Variants in CSMD1 observed in about 807,000 individuals in gnomAD.
The protein encoded by CSMD1 is CUB and Sushi multiple domains 1, also known as CUB and sushi domain-containing protein 1.
In CSMD1, 213 loss-of-function variants were observed where a neutral mutation model predicts 417.5. That is an observed-to-expected ratio of 0.51 (90% confidence interval 0.46 to 0.57). The LOEUF (loss-of-function observed/expected upper bound fraction) is 0.57. Ranked by LOEUF, CSMD1 falls within the 20% of genes least tolerant of loss-of-function variation. CSMD1 has a pLI of 0.00. For synonymous variants in CSMD1, 2,862 were observed against 1,736.8 expected (o/e 1.65, Z -16.11); for missense variants, 6,923 against 4,529.7 (o/e 1.53, Z -15.17).
intron 2 of CSMD1, among the ~76,000 whole-genome samples, chr8:4,618,450 G>A (rs1434550009): frequency 2.0e-5 from 3 of 151,932 alleles, no homozygotes; most frequent in Non-Finnish European, 2.9e-5. Context: ...GTGCTGTTAG[G>A]GACCTAAGGC....
intron 52 of CSMD1, among the ~76,000 whole-genome samples, chr8:3,002,779 T>C (rs1807524968): frequency 6.6e-6 from 1 of 152,182 alleles, no homozygotes; most frequent in Non-Finnish European, 1.5e-5. Context: ...ACTCTAGAAA[T>C]CAGGCAGCAA....
chr8:4,275,061 T>C (rs527694491), intron 3 of CSMD1, among the ~76,000 whole-genome samples: 1 of 152,150 alleles, frequency 6.6e-6, no homozygotes, highest in African/African-American at 2.4e-5. Context: ...AAGAAATTCT[T>C]CTAACAATGA....
chr8:3,097,495 A>G (rs1225234740), intron 46 of CSMD1, among the ~76,000 whole-genome samples: 2 of 152,144 alleles, frequency 1.3e-5, no homozygotes, highest in Non-Finnish European at 2.9e-5. Flanking sequence ...CAAGAGCCCT[A>G]GTGATGCCTG....
At chr8:2,965,397 C>A (rs1008792577) in intron 59 of CSMD1, among the ~76,000 whole-genome samples, 3 of 152,146 alleles carry the variant, frequency 2.0e-5, no homozygotes, top group African/African-American at 7.2e-5. Flanking sequence ...CTCCAACCTG[C>A]CTCTAAATTC....
At chr8:3,105,908 T>C (rs774504908) in intron 46 of CSMD1, among the ~76,000 whole-genome samples, 30 of 152,214 alleles carry the variant, frequency 2.0e-4, no homozygotes, top group Non-Finnish European at 1.8e-4. Flanking sequence ...AGGTGTTACA[T>C]TATTCAGGTA....
In CSMD1 at chr8:4,741,767, G is replaced by C. The variant is rs184943239; in HGVS notation, c.86-104209C>G. 7.3e-3 allele frequency among the ~76,000 whole-genome samples: 1,111 copies of C among 152,146 alleles called. 12 individuals are homozygous for C. Among genetic ancestry groups the C allele is most frequent in the Middle Eastern group, 0.034 (10 of 294 alleles). ...GTGGAGAGTCTCAGGCCCCAACCCA[G>C]ACCTGCAGGATGCAAATCTGCTTCT... On this transcript the variant is annotated intron_variant, in intron 1 of 69. Transcript: ENST00000635120.
At chr8:4,468,467 CTCT>C (rs1800324737) in intron 2 of CSMD1, among the ~76,000 whole-genome samples, 1 of 152,302 alleles carries the variant, frequency 6.6e-6, no homozygotes, top group Admixed American at 6.5e-5. Context: ...ATGATTTAAG[CTCT>C]TGATATACCA....
At chr8:4,751,945 TG>T (rs1811360674) in intron 1 of CSMD1, among the ~76,000 whole-genome samples, 1 of 152,030 alleles carries the variant, frequency 6.6e-6, no homozygotes, top group South Asian at 2.1e-4. Context: ...AATCTGAGAG[TG>T]GGGGAAGTGC....
intron 11 of CSMD1, among the ~76,000 whole-genome samples, chr8:3,488,206 G>A (rs1818170419): frequency 1.3e-5 from 2 of 151,810 alleles, no homozygotes; most frequent in Admixed American, 6.6e-5. Context: ...GGGCACAATC[G>A]ACCCTTTCAC....
intron 25 of CSMD1, among the ~76,000 whole-genome samples, chr8:3,290,488 C>CGT (rs1554501610): frequency 3.5e-5 from 5 of 142,074 alleles, no homozygotes; most frequent in Non-Finnish European, 7.4e-5. Context: ...TTGTTTGTAT[C>CGT]CTTTTATTTC....
rs1422886352 is a variant in CSMD1, at chr8:4,905,694, C to T, written c.85+88638G>A. 4.0e-5 allele frequency among the ~76,000 whole-genome samples: 6 copies of T among 151,788 alleles called. No homozygotes were observed. In the South Asian group the frequency reaches 1.2e-3, roughly 32 times the overall value. ...AATTAGCCGGGCGTGGTGGCGGGCG[C>T]CTGTAGTCCCAGCTCCTCGGGAGGC... On this transcript the variant is annotated intron_variant, in intron 1 of 69. Transcript: ENST00000635120.
chr8:3,081,630 T>C (rs1814103154), intron 49 of CSMD1, among the ~76,000 whole-genome samples: 1 of 152,212 alleles, frequency 6.6e-6, no homozygotes, highest in Non-Finnish European at 1.5e-5. Flanking sequence ...GCAGGATTTA[T>C]AACCACTTTT....
At chr8:4,898,667 A>G (rs1258494120) in intron 1 of CSMD1, among the ~76,000 whole-genome samples, 2 of 152,218 alleles carry the variant, frequency 1.3e-5, no homozygotes, top group East Asian at 3.8e-4. Context: ...GTCAAATTAT[A>G]CAGACAGGAA....
chr8:3,619,255 A>C (rs532753901), intron 7 of CSMD1, among the ~76,000 whole-genome samples: 59 of 152,218 alleles, frequency 3.9e-4, no homozygotes, highest in African/African-American at 1.4e-3. Context: ...CCCCCCAAAA[A>C]CGTGAAAACA....
At chr8:4,760,218 T>C (rs954160200) in intron 1 of CSMD1, among the ~76,000 whole-genome samples, 2 of 152,348 alleles carry the variant, frequency 1.3e-5, no homozygotes, top group Admixed American at 6.5e-5. Context: ...TGTAATTATC[T>C]ATTGTTATAT....
chr8:4,924,496 G>A (rs1168007166), intron 1 of CSMD1, among the ~76,000 whole-genome samples: 1 of 152,122 alleles, frequency 6.6e-6, no homozygotes, highest in Non-Finnish European at 1.5e-5. Context: ...GCTGGGGCGG[G>A]TAGATCACCT....
chr8:3,975,511 C>G (rs1015740389), intron 5 of CSMD1, among the ~76,000 whole-genome samples: 1 of 152,190 alleles, frequency 6.6e-6, no homozygotes, highest in Admixed American at 6.5e-5. Context: ...ACAGAAACTT[C>G]ATCCACAGGT....
chr8:3,553,811 ATATT>A, intron 10 of CSMD1, among the ~76,000 whole-genome samples: 1 of 152,330 alleles, frequency 6.6e-6, no homozygotes. Context: ...ATTTCACAGA[ATATT>A]TATAATATTT....
At chr8:3,576,945 G>A (rs549639562) in intron 9 of CSMD1, among the ~76,000 whole-genome samples, 15 of 152,230 alleles carry the variant, frequency 9.9e-5, no homozygotes, top group South Asian at 4.2e-4. Context: ...ATCATGTAGC[G>A]TTCATAAATA....
Sources: allele counts gnomAD v4.1 joint callset (sites outside exome capture counted in the v4.1 genomes callset), GRCh38; gene constraint gnomAD v4.1.1; transcripts MANE v1.5; gene names NCBI Gene and HGNC (gene_info 2026-07-23, HGNC 2026-07-21).